The following CMKLR1 variants were observed in gnomAD, a reference collection of about 807,000 sequenced individuals.
CMKLR1 encodes the protein chemerin-like receptor 1.
A neutral mutation model predicts 8.2 loss-of-function variants in CMKLR1; 6 were observed. The observed-to-expected ratio is 0.73, with a 90% CI of 0.40 to 1.44. The LOEUF (loss-of-function observed/expected upper bound fraction) is 1.44. CMKLR1 is among the 40% of genes most tolerant of loss of function. The pLI, the probability that CMKLR1 is intolerant of heterozygous loss-of-function variation, is 0.02. For synonymous variants in CMKLR1, 178 were observed against 181.2 expected (o/e 0.98, Z 0.14); for missense variants, 429 against 478.0 (o/e 0.90, Z 0.96).
intron 2 of CMKLR1, among the ~76,000 whole-genome samples, chr12:108,304,182 T>C (rs1477865041): frequency 6.6e-6 from 1 of 152,170 alleles, no homozygotes; most frequent in Non-Finnish European, 1.5e-5. Context: ...AGGGTCTCCA[T>C]GGGTCGACTT....
At chr12:108,307,849 T>C (rs1891448740) in intron 2 of CMKLR1, among the ~76,000 whole-genome samples, 1 of 152,136 alleles carries the variant, frequency 6.6e-6, no homozygotes, top group African/African-American at 2.4e-5. Flanking sequence ...CCAAGTCTCT[T>C]TTTCCACTTC....
chr12:108,308,490 C>T (rs1891466121), intron 2 of CMKLR1, among the ~76,000 whole-genome samples: 1 of 152,150 alleles, frequency 6.6e-6, no homozygotes, highest in Middle Eastern at 3.2e-3. Context: ...ACAGCCTGTT[C>T]CCTGCAGGCC....
chr12:108,313,961 G>A (rs145521364), intron 2 of CMKLR1, among the ~76,000 whole-genome samples: 17 of 152,218 alleles, frequency 1.1e-4, no homozygotes, highest in East Asian at 7.7e-4. Flanking sequence ...TTTAATCTCC[G>A]CCAGCACTTC....
intron 2 of CMKLR1, among the ~76,000 whole-genome samples, chr12:108,305,748 C>T (rs149724762): frequency 2.0e-5 from 3 of 152,336 alleles, no homozygotes; most frequent in Non-Finnish European, 2.9e-5. Flanking sequence ...TGGTCCCACG[C>T]CCACATGTGG....
At chr12:108,300,950 C>G (rs1358500975) in intron 2 of CMKLR1, among the ~76,000 whole-genome samples, 2 of 152,016 alleles carry the variant, frequency 1.3e-5, no homozygotes, top group African/African-American at 2.4e-5. Flanking sequence ...GGGAGGGACA[C>G]AGAGGCTCAG....
At chr12:108,299,340 TA>T (rs1449826219) in intron 2 of CMKLR1, among the ~76,000 whole-genome samples, 1 of 152,352 alleles carries the variant, frequency 6.6e-6, no homozygotes, top group East Asian at 1.9e-4. Flanking sequence ...TGGCAGTCTC[TA>T]AAAATCAAAA....
chr12:108,329,352 A>T (rs1251602491), intron 2 of CMKLR1, among the ~76,000 whole-genome samples: 1 of 152,188 alleles, frequency 6.6e-6, no homozygotes, highest in Non-Finnish European at 1.5e-5. Flanking sequence ...GTGTTCATGC[A>T]GCTCTCCCTG....
At chr12:108,320,866 C>T (rs1593174628) in intron 2 of CMKLR1, among the ~76,000 whole-genome samples, 1 of 152,374 alleles carries the variant, frequency 6.6e-6, no homozygotes, top group Middle Eastern at 3.4e-3. Context: ...GCCAAAAGTG[C>T]TTGTAAACCT....
At chr12:108,297,338 A>AT (rs1452650190) in intron 2 of CMKLR1, among the ~76,000 whole-genome samples, 1 of 152,214 alleles carries the variant, frequency 6.6e-6, no homozygotes, top group Non-Finnish European at 1.5e-5. Context: ...TACATATAAC[A>AT]TAAAAAAATA....
intron 3 of CMKLR1, 31 bp from the exon 4 acceptor site, chr12:108,292,990 A>G: frequency 6.4e-7 from 1 of 1,565,912 alleles, no homozygotes; most frequent in East Asian, 2.3e-5. Flanking sequence ...CATTAGAGGA[A>G]CCCTAGAGTT....
chr12:108,305,458 A>G (rs1473208329), intron 2 of CMKLR1, among the ~76,000 whole-genome samples: 3 of 152,138 alleles, frequency 2.0e-5, no homozygotes, highest in African/African-American at 7.2e-5. Context: ...TGAGCAGCAT[A>G]CCAGCCTCCC....
intron 2 of CMKLR1, among the ~76,000 whole-genome samples, chr12:108,327,424 G>A (rs1017936904): frequency 1.3e-5 from 2 of 152,112 alleles, no homozygotes; most frequent in East Asian, 3.9e-4. Flanking sequence ...AGGCTACAGT[G>A]AGCCATGATT....
chr12:108,331,849 G>A lies in CMKLR1; in HGVS notation c.-286-1642C>T, dbSNP rs532230701. Among the ~76,000 whole-genome samples the A allele has an allele frequency of 1.8e-4, 27 of 152,248 alleles. No homozygotes were observed. The South Asian group carries it at 5.2e-3, about 29-fold the overall frequency. ...AAACAGATTCTCCCCTAGGGCCTCCGGAAGAGATGCAATCTTTGATTTTAG... is the reference window on the plus strand; with the variant it reads ...AAACAGATTCTCCCCTAGGGCCTCCAGAAGAGATGCAATCTTTGATTTTAG... On this transcript the variant is annotated intron_variant, in intron 1 of 3. Coordinates refer to ENST00000550402, the MANE Select transcript of CMKLR1 (RefSeq NM_001142343.2).
intron 2 of CMKLR1, 109 bp from the exon 3 acceptor site, chr12:108,293,773 T>G (rs1891056829): frequency 1.5e-6 from 1 of 654,516 alleles, no homozygotes; most frequent in Non-Finnish European, 2.6e-6. Context: ...ATTCCCATTT[T>G]ACAGAGAAGG....
Position 108,326,433 on chromosome 12 carries a change from T to C in CMKLR1, c.-74+3562A>G, listed in dbSNP as rs115401072. 3.8e-3 allele frequency among the ~76,000 whole-genome samples: 573 copies of C among 152,368 alleles called. 4 individuals are homozygous for C. The highest frequency in any genetic ancestry group is 0.013 in the African/African-American group (526 of 41,592). On this transcript the variant is annotated intron_variant, in intron 2 of 3. Transcript: ENST00000550402. ...AAACACCTCAGTGTGAGTGAGTTTA[T>C]TGCTTTGGTTTCCAACTGGCCATCT... is the stretch of plus-strand genomic sequence containing the variant.
At chr12:108,338,009 G>C (rs1401323222) in intron 1 of CMKLR1, among the ~76,000 whole-genome samples, 2 of 152,118 alleles carry the variant, frequency 1.3e-5, no homozygotes, top group African/African-American at 4.8e-5. Context: ...AATAGAAAAA[G>C]AAAGACTCAG....
At chr12:108,307,446 C>T (rs1891439278) in intron 2 of CMKLR1, among the ~76,000 whole-genome samples, 1 of 152,162 alleles carries the variant, frequency 6.6e-6, no homozygotes, top group Admixed American at 6.5e-5. Flanking sequence ...TCTCTGGCAC[C>T]CTGAGATACC....
intron 2 of CMKLR1, 124 bp from the exon 3 acceptor site, chr12:108,293,788 A>G (rs898136472): frequency 1.4e-5 from 9 of 633,946 alleles, no homozygotes; most frequent in Non-Finnish European, 2.2e-5. Flanking sequence ...AGAAGGAAGC[A>G]GAAGTTCAGA....
chr12:108,299,486 G>A (rs1181516846), intron 2 of CMKLR1, among the ~76,000 whole-genome samples: 1 of 152,128 alleles, frequency 6.6e-6, no homozygotes, highest in Admixed American at 6.5e-5. Context: ...GTGGAAGGAT[G>A]CCCTCTGCAT....
Sources: gnomAD v4.1 joint callset for allele counts (sites outside exome capture counted in the v4.1 genomes callset) on GRCh38, gnomAD v4.1.1 for gene constraint, MANE v1.5 for transcripts, NCBI Gene and HGNC (gene_info 2026-07-23, HGNC 2026-07-21) for gene names.